Variants in CELF2 observed in about 807,000 individuals in gnomAD.
The protein encoded by CELF2 is CUGBP Elav-like family member 2.
CELF2 carries 8 observed loss-of-function variants against 62.6 expected under a neutral mutation model. The ratio of observed to expected loss-of-function variants is 0.13; its 90% CI spans 0.07 to 0.23. CELF2 has a LOEUF of 0.23. CELF2 is among the 10% of genes least tolerant of loss of function. The probability of loss-of-function intolerance (pLI) is 1.00; values close to 1 mark genes in which losing one functional copy is unlikely to be tolerated. For missense variants in CELF2, 333 were observed against 671.0 expected (o/e 0.50, Z 5.56); for synonymous variants, 258 against 250.0 (o/e 1.03, Z -0.30).
At chr10:10,679,245 C>T in the CELF2 span, among the ~76,000 whole-genome samples, 1 of 152,092 alleles carries the variant, frequency 6.6e-6, no homozygotes, top group Non-Finnish European at 1.5e-5. Flanking sequence ...TAGGCAGTAG[C>T]CCCTGAGTAA....
At chr10:10,525,118 G>T in the CELF2 span, among the ~76,000 whole-genome samples, 1 of 152,146 alleles carries the variant, frequency 6.6e-6, no homozygotes, top group African/African-American at 2.4e-5. Context: ...CTCACAACGG[G>T]ATCAGTTTTT....
chr10:11,093,642 A>T (rs1248002371), intron 1 of CELF2, among the ~76,000 whole-genome samples: 1 of 152,232 alleles, frequency 6.6e-6, no homozygotes, highest in Non-Finnish European at 1.5e-5. Context: ...AATAATCTAC[A>T]ACTATAAAAT....
chr10:11,124,572 A>G (rs528006408), intron 1 of CELF2, among the ~76,000 whole-genome samples: 170 of 152,322 alleles, frequency 1.1e-3, no homozygotes, highest in African/African-American at 4.0e-3. Flanking sequence ...CAAAAATTGG[A>G]GATCATTTGT....
chr10:11,128,673 CTGTT>C (rs1183048308), intron 1 of CELF2, among the ~76,000 whole-genome samples: 5 of 152,128 alleles, frequency 3.3e-5, no homozygotes, highest in Middle Eastern at 3.2e-3. Flanking sequence ...ATTTGGCTCT[CTGTT>C]TGTCTGTTAT....
rs2090749815 is a variant in CELF2 at position 11,285,066 on chromosome 10, G to T, written c.842-3352G>T. On this transcript the variant is annotated intron_variant, in intron 8 of 12. Transcript: ENST00000633077. This position sits in a 1 kb window ranked among gnomAD's most constrained non-coding sequence, Gnocchi z 4.3. ...ATTAAGTGGATGGATGGATAGTTGG[G>T]TGGTTACGCGGAATGATGGATGGAT... 6.6e-6 allele frequency among the ~76,000 whole-genome samples: 1 copy of T among 150,544 alleles called. No individual in the cohort carries two copies. Among genetic ancestry groups the T allele is most frequent in the Admixed American group, 6.6e-5 (1 of 15,138 alleles).
At chr10:10,643,427 G>A in the CELF2 span, among the ~76,000 whole-genome samples, 3 of 152,232 alleles carry the variant, frequency 2.0e-5, no homozygotes, top group East Asian at 1.9e-4. Context: ...CATGTAAGAC[G>A]TGACTTTGCT....
intron 2 of CELF2, among the ~76,000 whole-genome samples, chr10:10,941,871 G>A (rs1327227732): frequency 2.0e-5 from 3 of 151,830 alleles, no homozygotes; most frequent in Admixed American, 1.3e-4. Context: ...GCAGGTGCCT[G>A]TAATCCCAGC....
the CELF2 span, among the ~76,000 whole-genome samples, chr10:10,716,512 G>T: frequency 2.0e-5 from 3 of 152,184 alleles, no homozygotes; most frequent in African/African-American, 7.2e-5. Context: ...CTGTACTCCA[G>T]CGTGGGTGAT....
chr10:11,190,631 T>G (rs2076073481), intron 2 of CELF2, among the ~76,000 whole-genome samples: 1 of 151,346 alleles, frequency 6.6e-6, no homozygotes, highest in Admixed American at 6.6e-5. Flanking sequence ...AAAAAAAAAT[T>G]CACAAAGTAG....
At chr10:11,041,227 C>T (rs1344355377) in intron 1 of CELF2, among the ~76,000 whole-genome samples, 2 of 152,208 alleles carry the variant, frequency 1.3e-5, no homozygotes, top group Non-Finnish European at 2.9e-5. Flanking sequence ...TTCCCAAAGG[C>T]CCCACTTCCT....
chr10:10,651,947 C>G, the CELF2 span, among the ~76,000 whole-genome samples: 2 of 150,978 alleles, frequency 1.3e-5, no homozygotes, highest in African/African-American at 4.9e-5. Context: ...ACATTCAAAC[C>G]AAAGGCAAAG....
At chr10:10,582,665 T>C in the CELF2 span, among the ~76,000 whole-genome samples, 1 of 152,186 alleles carries the variant, frequency 6.6e-6, no homozygotes, top group Admixed American at 6.5e-5. Context: ...TTGAGTACTC[T>C]TCATATTCTC....
At chr10:10,550,767 C>T in the CELF2 span, among the ~76,000 whole-genome samples, 1 of 151,826 alleles carries the variant, frequency 6.6e-6, no homozygotes, top group Non-Finnish European at 1.5e-5. Flanking sequence ...GGCACCATCT[C>T]AGCTCGCTGC....
the CELF2 span, among the ~76,000 whole-genome samples, chr10:10,764,098 T>G: frequency 1.3e-5 from 2 of 152,242 alleles, no homozygotes; most frequent in Non-Finnish European, 2.9e-5. Flanking sequence ...TCTGGGGTCA[T>G]GCAAAAATTC....
At chr10:10,782,767 G>T in the CELF2 span, among the ~76,000 whole-genome samples, 4 of 152,116 alleles carry the variant, frequency 2.6e-5, no homozygotes, top group African/African-American at 9.7e-5. Flanking sequence ...GACCTTTCAG[G>T]TTCTTTGTGA....
chr10:11,124,704 TAC>T (rs564538275), intron 1 of CELF2, among the ~76,000 whole-genome samples: 207 of 152,294 alleles, frequency 1.4e-3, no homozygotes, highest in Admixed American at 6.6e-3. Context: ...GCGTACAAGG[TAC>T]ACACAGCATT....
At chr10:11,084,661 C>T (rs1391583223) in intron 1 of CELF2, among the ~76,000 whole-genome samples, 1 of 151,878 alleles carries the variant, frequency 6.6e-6, no homozygotes, top group East Asian at 1.9e-4. Context: ...ATGAAAATAC[C>T]ACTTTAAAAA....
At chr10:11,070,661 C>G (rs1433405970) in intron 1 of CELF2, among the ~76,000 whole-genome samples, 2 of 152,098 alleles carry the variant, frequency 1.3e-5, no homozygotes, top group African/African-American at 4.8e-5. Context: ...CATCTAAGTC[C>G]CAGTGTCTGG....
At chr10:11,175,676 C>G (rs1385659037) in intron 2 of CELF2, among the ~76,000 whole-genome samples, 4 of 152,148 alleles carry the variant, frequency 2.6e-5, no homozygotes, top group African/African-American at 9.7e-5. Context: ...CCTTTTGTAA[C>G]AATGAGTTGA....
Sources: gnomAD v4.1 joint callset for allele counts (sites outside exome capture counted in the v4.1 genomes callset) on GRCh38, gnomAD v4.1.1 for gene constraint, Gnocchi (gnomAD v3.1) non-coding constraint, MANE v1.5 for transcripts, NCBI Gene and HGNC (gene_info 2026-07-23, HGNC 2026-07-21) for gene names.